The following IMMP2L variants were observed in gnomAD, a reference collection of about 807,000 sequenced individuals.
IMMP2L encodes the protein inner mitochondrial membrane peptidase subunit 2, also known as mitochondrial inner membrane protease subunit 2.
In IMMP2L, 18 loss-of-function variants were observed where a neutral mutation model predicts 19.3. The observed-to-expected ratio is 0.93, with a 90% CI of 0.64 to 1.38. The LOEUF (loss-of-function observed/expected upper bound fraction) is 1.38, where lower values mean the gene tolerates loss of function less well. Ranked by LOEUF, IMMP2L falls within the 40% of genes most tolerant of loss-of-function variation. The pLI is 0.00. For missense variants in IMMP2L, 233 were observed against 218.2 expected, an observed-to-expected ratio of 1.07 and a Z score of -0.43; for synonymous variants, 76 against 73.0, an observed-to-expected ratio of 1.04 and a Z score of -0.21.
intron 3 of IMMP2L, among the ~76,000 whole-genome samples, chr7:111,327,309 T>C (rs1825424433): frequency 6.6e-6 from 1 of 151,814 alleles, no homozygotes; most frequent in South Asian, 2.1e-4. Flanking sequence ...TTAAAATTCA[T>C]GTAAGAGAAA....
intron 3 of IMMP2L, among the ~76,000 whole-genome samples, chr7:111,387,890 C>T (rs1831928235): frequency 6.8e-6 from 1 of 147,208 alleles, no homozygotes; most frequent in African/African-American, 2.5e-5. Flanking sequence ...GCAGGGGAAT[C>T]ACCTGAAACC....
At chr7:111,117,784 A>G (rs933227399) in intron 3 of IMMP2L, among the ~76,000 whole-genome samples, 8 of 152,110 alleles carry the variant, frequency 5.3e-5, no homozygotes, top group African/African-American at 1.4e-4. Flanking sequence ...TATAGAAGAA[A>G]AGGAAAAACT....
At chr7:110,909,134 T>C (rs1279563786) in intron 4 of IMMP2L, among the ~76,000 whole-genome samples, 2 of 151,976 alleles carry the variant, frequency 1.3e-5, no homozygotes, top group African/African-American at 4.8e-5. Context: ...AGAAACCTAG[T>C]GCATCTGAGA....
intron 5 of IMMP2L, among the ~76,000 whole-genome samples, chr7:110,774,948 C>G (rs60871659): frequency 0.04 from 6,025 of 152,060 alleles, 362 homozygotes; most frequent in African/African-American, 0.13. Context: ...AAATAATGAA[C>G]TGGTTAAATA....
intron 3 of IMMP2L, among the ~76,000 whole-genome samples, chr7:111,421,418 C>T (rs1835533087): frequency 1.3e-5 from 2 of 150,920 alleles, no homozygotes; most frequent in African/African-American, 2.5e-5. Flanking sequence ...TACAGGCGCC[C>T]GCCATCATGC....
In IMMP2L at chr7:111,401,736, C is replaced by T. The variant is rs539034435; in HGVS notation, c.239+85502G>A. Among the ~76,000 whole-genome samples, 50 of 152,100 alleles carry T rather than the reference C, an allele frequency of 3.3e-4. No homozygotes were observed. In the South Asian group the frequency reaches 6.6e-3, roughly 20 times the overall value. On this transcript the variant is annotated intron_variant, in intron 3 of 5. Coordinates refer to ENST00000405709, the MANE Select transcript of IMMP2L (RefSeq NM_032549.4). ...ACTGAGCAATTCAACTGGTAAACCA[C>T]GGACTGCATAGCTACGTTCAACATC...
intron 5 of IMMP2L, among the ~76,000 whole-genome samples, chr7:110,698,262 A>G (rs1335688296): frequency 6.6e-6 from 1 of 152,182 alleles, no homozygotes; most frequent in African/African-American, 2.4e-5. Context: ...TGCCTAAGAT[A>G]ATGTGTTCTC....
chr7:110,887,303 G>C (rs1810320968), intron 4 of IMMP2L, among the ~76,000 whole-genome samples: 1 of 151,978 alleles, frequency 6.6e-6, no homozygotes. Context: ...CAATTGTGAA[G>C]ACTAAAGATC....
At chr7:111,116,253 C>CT (rs1799865536) in intron 3 of IMMP2L, among the ~76,000 whole-genome samples, 1 of 152,076 alleles carries the variant, frequency 6.6e-6, no homozygotes, top group East Asian at 1.9e-4. Flanking sequence ...TTAATGCTTG[C>CT]TGGGTAAAAA....
At chr7:111,426,418 G>T (rs932210123) in intron 3 of IMMP2L, among the ~76,000 whole-genome samples, 1 of 150,482 alleles carries the variant, frequency 6.6e-6, no homozygotes, top group Non-Finnish European at 1.5e-5. Context: ...GAGGTTTTTT[G>T]CAATAACATG....
At chr7:110,997,113 A>C (rs1022365957) in intron 3 of IMMP2L, among the ~76,000 whole-genome samples, 1 of 151,872 alleles carries the variant, frequency 6.6e-6, no homozygotes, top group African/African-American at 2.4e-5. Context: ...TCTGTTCTCT[A>C]TCTCTATAAT....
chr7:111,329,154 G>A (rs1287379614), intron 3 of IMMP2L, among the ~76,000 whole-genome samples: 1 of 151,798 alleles, frequency 6.6e-6, no homozygotes, highest in Non-Finnish European at 1.5e-5. Context: ...GTTGCTGCAG[G>A]ATGTTGAGCG....
intron 4 of IMMP2L, among the ~76,000 whole-genome samples, chr7:110,911,419 T>C (rs1306580611): frequency 6.6e-6 from 1 of 152,194 alleles, no homozygotes; most frequent in Non-Finnish European, 1.5e-5. Context: ...TTAGCAGTCA[T>C]GCTCTAATTT....
At chr7:110,908,232 T>A (rs1812677781) in intron 4 of IMMP2L, among the ~76,000 whole-genome samples, 1 of 152,194 alleles carries the variant, frequency 6.6e-6, no homozygotes, top group Admixed American at 6.5e-5. Context: ...ACCCCTTTTT[T>A]ATTAAGCCAT....
At chr7:111,556,035 T>TATATATATATATACACACAC (rs1554550178) in intron 1 of IMMP2L, among the ~76,000 whole-genome samples, 17 of 135,698 alleles carry the variant, frequency 1.3e-4, no homozygotes, top group African/African-American at 4.4e-4. Context: ...TATATATATA[T>TATATATATATATACACACAC]ACATACCCAA....
chr7:110,811,873 C>T (rs533249473), intron 5 of IMMP2L, among the ~76,000 whole-genome samples: 1 of 152,084 alleles, frequency 6.6e-6, no homozygotes, highest in South Asian at 2.1e-4. Context: ...AGGGGCCCAC[C>T]TAATAAGAGC....
chr7:111,240,923 G>A (rs1036931965), intron 3 of IMMP2L, among the ~76,000 whole-genome samples: 2 of 151,832 alleles, frequency 1.3e-5, no homozygotes, highest in African/African-American at 4.8e-5. Flanking sequence ...AAAGACAGGT[G>A]CTATAAACAC....
chr7:111,090,928 A>G (rs1796793076), intron 3 of IMMP2L: 1 of 152,200 alleles, frequency 6.6e-6, no homozygotes, highest in Non-Finnish European at 1.5e-5. Context: ...AAAGAAGGAA[A>G]ATGATACCTA....
intron 5 of IMMP2L, among the ~76,000 whole-genome samples, chr7:110,819,193 C>G (rs1188659359): frequency 2.0e-5 from 3 of 151,856 alleles, no homozygotes; most frequent in Non-Finnish European, 4.4e-5. Flanking sequence ...TTGGAACTTC[C>G]TTTGGAACTG....
Sources: gnomAD v4.1 joint callset for allele counts (sites outside exome capture counted in the v4.1 genomes callset) on GRCh38, gnomAD v4.1.1 for gene constraint, MANE v1.5 for transcripts, NCBI Gene and HGNC (gene_info 2026-07-23, HGNC 2026-07-21) for gene names.